ADAMTSL1: variants seen among roughly 807,000 people sequenced by gnomAD.
The protein encoded by ADAMTSL1 is ADAMTS-like protein 1.
A neutral mutation model predicts 201.8 loss-of-function variants in ADAMTSL1; 126 were observed. The observed-to-expected ratio is 0.62, with a 90% CI of 0.54 to 0.72. The LOEUF is 0.72. ADAMTSL1 is among the 30% of genes least tolerant of loss of function. The pLI is 0.00. For synonymous variants in ADAMTSL1, 1,121 were observed against 903.4 expected, an observed-to-expected ratio of 1.24 and a Z score of -4.32; for missense variants, 2,679 against 2,277.8, an observed-to-expected ratio of 1.18 and a Z score of -3.59.
chr9:18,034,082 A>G (rs888702976), intron 1 of ADAMTSL1, among the ~76,000 whole-genome samples: 4 of 151,920 alleles, frequency 2.6e-5, no homozygotes, highest in Non-Finnish European at 5.9e-5. Flanking sequence ...TGCTTTTTCA[A>G]TTGTTTCCTT....
At chr9:18,729,631 C>A (rs1206271079) in intron 15 of ADAMTSL1, among the ~76,000 whole-genome samples, 1 of 152,178 alleles carries the variant, frequency 6.6e-6, no homozygotes, top group East Asian at 1.9e-4. Context: ...CTTCAGTCTC[C>A]ACTGAACAAA....
At chr9:18,412,759 A>T (rs1818501138) in intron 2 of ADAMTSL1, among the ~76,000 whole-genome samples, 1 of 152,180 alleles carries the variant, frequency 6.6e-6, no homozygotes, top group Admixed American at 6.5e-5. Flanking sequence ...TCCTTTTGAC[A>T]TAATTTCATT....
intron 4 of ADAMTSL1, among the ~76,000 whole-genome samples, chr9:18,599,059 C>T (rs1017350750): frequency 1.3e-5 from 2 of 152,100 alleles, no homozygotes; most frequent in South Asian, 4.1e-4. Context: ...CTGTCAACTT[C>T]TGAGGCAGAA....
At chr9:18,210,529 ATT>A (rs1829831117) in intron 2 of ADAMTSL1, among the ~76,000 whole-genome samples, 1 of 138,208 alleles carries the variant, frequency 7.2e-6, no homozygotes, top group Non-Finnish European at 1.7e-5. Context: ...AAATATATAT[ATT>A]AATTAATATT....
intron 16 of ADAMTSL1, among the ~76,000 whole-genome samples, chr9:18,765,453 C>G (rs1240941046): frequency 6.6e-6 from 1 of 151,922 alleles, no homozygotes; most frequent in Non-Finnish European, 1.5e-5. Context: ...TATTATTTCT[C>G]TCAGAGAAAA....
At chr9:18,746,587 G>C (rs1030336830) in intron 15 of ADAMTSL1, among the ~76,000 whole-genome samples, 2 of 152,120 alleles carry the variant, frequency 1.3e-5, no homozygotes, top group Admixed American at 1.3e-4. Flanking sequence ...TGCTGCAAAA[G>C]TCGAGGTAAA....
intron 25 of ADAMTSL1, among the ~76,000 whole-genome samples, chr9:18,890,063 C>T (rs114646018): frequency 0.011 from 1,697 of 152,284 alleles, 21 homozygotes; most frequent in African/African-American, 0.03. Context: ...CCCCATCCTA[C>T]AGTAATCAAC....
At chr9:18,297,689 C>A (rs915019887) in intron 2 of ADAMTSL1, among the ~76,000 whole-genome samples, 31 of 151,054 alleles carry the variant, frequency 2.1e-4, no homozygotes, top group African/African-American at 7.7e-4. Context: ...CCTTTTGTAG[C>A]CCCCTAGGGG....
chr9:18,113,493 TG>T (rs1212454217), intron 1 of ADAMTSL1, among the ~76,000 whole-genome samples: 1 of 152,236 alleles, frequency 6.6e-6, no homozygotes, highest in East Asian at 1.9e-4. Context: ...CTTGGGCAAC[TG>T]GGTGGTGCCA....
intron 1 of ADAMTSL1, among the ~76,000 whole-genome samples, chr9:17,989,309 C>A (rs548808385): frequency 5.3e-5 from 8 of 151,582 alleles, no homozygotes; most frequent in African/African-American, 1.9e-4. Context: ...TGTTTTGTAA[C>A]TTTATTTATT....
chr9:18,866,413 A>C (rs1406066210), intron 23 of ADAMTSL1, among the ~76,000 whole-genome samples: 1 of 152,202 alleles, frequency 6.6e-6, no homozygotes, highest in East Asian at 1.9e-4. Flanking sequence ...AGTTTTTATA[A>C]AATAAGCTAC....
At chr9:18,808,215 TAG>T (rs1823285222) in intron 20 of ADAMTSL1, among the ~76,000 whole-genome samples, 1 of 152,216 alleles carries the variant, frequency 6.6e-6, no homozygotes, top group Non-Finnish European at 1.5e-5. Flanking sequence ...TTGTTTAAAA[TAG>T]AGATTACAGC....
rs1258748650 is a variant in ADAMTSL1, at chr9:18,095,713, T to C, written c.88-68149T>C. ...TGCTGGGATTACAGGTGTGAGCCAC[T>C]GTGGTGGCCCTCCCTGATAAATTTC... On this transcript the variant is annotated intron_variant, in intron 1 of 29. Coordinates refer to the ADAMTSL1 transcript ENST00000680146. Among the ~76,000 whole-genome samples, 5 of 152,152 alleles carry C rather than the reference T, an allele frequency of 3.3e-5. No homozygotes were observed. The East Asian group carries it at 7.7e-4, about 24-fold the overall frequency.
chr9:18,556,502 T>C (rs1250496093), intron 3 of ADAMTSL1, among the ~76,000 whole-genome samples: 1 of 151,980 alleles, frequency 6.6e-6, no homozygotes, highest in Non-Finnish European at 1.5e-5. Context: ...GTAATTTTCA[T>C]AGGAAGAAGA....
At chr9:18,775,244 C>G (rs1820909579) in intron 17 of ADAMTSL1, among the ~76,000 whole-genome samples, 2 of 152,154 alleles carry the variant, frequency 1.3e-5, no homozygotes, top group Non-Finnish European at 2.9e-5. Context: ...TAGCACCCTA[C>G]CTTAGACAAA....
chr9:18,286,158 C>T, intron 2 of ADAMTSL1, among the ~76,000 whole-genome samples: 1 of 152,120 alleles, frequency 6.6e-6, no homozygotes, highest in East Asian at 1.9e-4. Context: ...TGTGGGCCAA[C>T]CATGTTCTAG....
At chr9:17,990,806 C>A (rs1014922552) in intron 1 of ADAMTSL1, among the ~76,000 whole-genome samples, 16 of 152,044 alleles carry the variant, frequency 1.1e-4, no homozygotes, top group African/African-American at 3.6e-4. Flanking sequence ...ATGATTGAAT[C>A]ATTCCTGTCC....
At chr9:18,722,077 T>C (rs1833422964) in intron 15 of ADAMTSL1, among the ~76,000 whole-genome samples, 1 of 152,240 alleles carries the variant, frequency 6.6e-6, no homozygotes, top group African/African-American at 2.4e-5. Flanking sequence ...CTGGGTGGTA[T>C]AATTGATCCA....
chr9:18,534,305 G>T (rs1819622164), intron 3 of ADAMTSL1, among the ~76,000 whole-genome samples: 1 of 152,030 alleles, frequency 6.6e-6, no homozygotes, highest in Non-Finnish European at 1.5e-5. Flanking sequence ...GAGGCAGGAG[G>T]ATCCCTTTAG....
Sources: gnomAD v4.1 joint callset for allele counts (sites outside exome capture counted in the v4.1 genomes callset) on GRCh38, gnomAD v4.1.1 for gene constraint, MANE v1.5 for transcripts, NCBI Gene and HGNC (gene_info 2026-07-23, HGNC 2026-07-21) for gene names.